RIPOR3: variants seen among roughly 807,000 people sequenced by gnomAD.
RIPOR3 encodes the protein RIPOR family member 3.
A neutral mutation model predicts 114.3 loss-of-function variants in RIPOR3; 95 were observed. The ratio of observed to expected loss-of-function variants is 0.83; its 90% CI spans 0.70 to 0.99. RIPOR3 has a LOEUF of 0.99. RIPOR3 is among the 50% of genes least tolerant of loss of function. The pLI is 0.00. For synonymous variants in RIPOR3, 575 were observed against 543.8 expected (o/e 1.06, Z -0.80); for missense variants, 1,252 against 1,266.9 (o/e 0.99, Z 0.18).
Position 50,603,239 on chromosome 20 carries a change from T to TTTTTG in RIPOR3, c.1087-600_1087-596dup, listed in dbSNP as rs568585212. ...AGCAGAGGCTGGCATATAGTTTCGG[T>TTTTTG]TTTTGTTTTGTTTTGTTTTGAAATA... On this transcript the variant is annotated intron_variant, in intron 12 of 21. Transcript: ENST00000327979. Among the ~76,000 whole-genome samples the TTTTTG allele has an allele frequency of 9.9e-5, 15 of 152,130 alleles. No homozygotes were observed. The South Asian group carries it at 2.5e-3, about 25-fold the overall frequency.
At position 50,609,354 on chromosome 20, in the gene RIPOR3, G is replaced by A. The variant is rs777726973; in HGVS notation, c.579C>T (p.Asp193=). ...LGRSLHECAE[D]MWLIEGALEV... is the part of the protein sequence containing the mutation. ...CCAGGGCCCCCTCGATGAGCCACATGTCCTGCAAAGCCCCGGAGGTGGCTC... is the reference window on the plus strand; with the variant it reads ...CCAGGGCCCCCTCGATGAGCCACATATCCTGCAAAGCCCCGGAGGTGGCTC... Residue 193 remains aspartate, a splice_region_variant and synonymous_variant, in exon 8 of 22, where the codon GAC becomes GAT. Transcript: ENST00000327979. 3.7e-5 allele frequency: 60 copies of A among 1,613,518 alleles called. No homozygotes were observed. The highest frequency in any genetic ancestry group is 4.9e-5 in the Non-Finnish European group (58 of 1,179,722).
intron 1 of RIPOR3, among the ~76,000 whole-genome samples, chr20:50,670,581 C>T (rs1225255702): frequency 6.6e-6 from 1 of 152,164 alleles, no homozygotes; most frequent in Non-Finnish European, 1.5e-5. Flanking sequence ...ACCCACATGG[C>T]AGGTGAGTAA....
chr20:50,611,052 C>T, intron 5 of RIPOR3, 129 bp downstream of exon 5: 4 of 1,549,070 alleles, frequency 2.6e-6, no homozygotes, highest in Non-Finnish European at 3.6e-6. Flanking sequence ...GAGACTCAGC[C>T]TTCCCATTCC....
At chr20:50,607,827 C>A (rs2083778294) in intron 11 of RIPOR3, among the ~76,000 whole-genome samples, 1 of 152,140 alleles carries the variant, frequency 6.6e-6, no homozygotes, top group Admixed American at 6.5e-5. Flanking sequence ...TGTCCTCAGC[C>A]CTCCCTTCTG....
At chr20:50,678,109 C>T (rs941796734) in intron 1 of RIPOR3, among the ~76,000 whole-genome samples, 2 of 152,140 alleles carry the variant, frequency 1.3e-5, no homozygotes, top group East Asian at 3.9e-4. Flanking sequence ...TGGGTTTTGC[C>T]CCCCAAGAAG....
At chr20:50,636,022 T>C (rs923490036) in intron 1 of RIPOR3, among the ~76,000 whole-genome samples, 2 of 152,240 alleles carry the variant, frequency 1.3e-5, no homozygotes, top group Non-Finnish European at 2.9e-5. Flanking sequence ...CCAGCCCCTG[T>C]GGGCCCCCTT....
chr20:50,620,054 C>T lies in RIPOR3; in HGVS notation c.201G>A (p.Gly67=), dbSNP rs2084338807. Residue 67 remains glycine (G), a synonymous_variant, in exon 3 of 22, where the codon GGG becomes GGA. Coordinates refer to ENST00000327979, the MANE Select transcript of RIPOR3 (RefSeq NM_001290268.2). The part of the protein sequence containing the change: ...SSKMYGTLRK[G]SVCADPKPQQ... ...GGGGCTTCGGGTCTGCACAGACCGA[C>T]CCCTTCCGCAGCGTGCCGTACATCT... 2.5e-6 allele frequency: 4 copies of T among 1,614,208 alleles called. No individual in the cohort carries two copies. The South Asian group carries it at 4.4e-5, about 18-fold the overall frequency.
intron 1 of RIPOR3, among the ~76,000 whole-genome samples, chr20:50,657,468 A>G (rs968697923): frequency 5.3e-5 from 8 of 152,182 alleles, no homozygotes; most frequent in Non-Finnish European, 1.2e-4. Flanking sequence ...TGGAGGTTGC[A>G]GTGAGCTGAG....
chr20:50,624,298 C>T (rs1012696743), intron 2 of RIPOR3, among the ~76,000 whole-genome samples: 9 of 152,144 alleles, frequency 5.9e-5, no homozygotes, highest in Admixed American at 2.0e-4. Context: ...GCTGCAGACT[C>T]GGGAAAAGGC....
intron 19 of RIPOR3, among the ~76,000 whole-genome samples, chr20:50,590,297 A>G (rs1313690723): frequency 6.6e-6 from 1 of 152,216 alleles, no homozygotes; most frequent in Admixed American, 6.5e-5. Context: ...CTGAAAACAA[A>G]GCTGGCACTT....
chr20:50,690,011 C>A (rs572556722), intron 1 of RIPOR3, among the ~76,000 whole-genome samples: 12 of 152,204 alleles, frequency 7.9e-5, no homozygotes, highest in African/African-American at 2.9e-4. Context: ...CCTCCCTTTC[C>A]GTGCCAGGGA....
intron 4 of RIPOR3, among the ~76,000 whole-genome samples, chr20:50,613,120 T>A (rs1283773453): frequency 1.3e-5 from 2 of 151,962 alleles, no homozygotes; most frequent in Non-Finnish European, 2.9e-5. Context: ...AAAATCTTTT[T>A]AAAATTAAGA....
chr20:50,642,219 A>G (rs926845381), intron 1 of RIPOR3, among the ~76,000 whole-genome samples: 2 of 151,872 alleles, frequency 1.3e-5, no homozygotes, highest in African/African-American at 4.8e-5. Flanking sequence ...TTCAGTGCCT[A>G]TTCCTTTGTC....
Position 50,609,644 on chromosome 20 carries a change from G to C in RIPOR3, c.505C>G (p.Arg169Gly), listed in dbSNP as rs774601813. ...GASSMQRAFA[R>G]CPPSRAARES... ...CGGGCTGCGCGGCTCGGGGGGCACCGGGCGAAGGCCCGCTGCATGCTGGAG... is the reference window on the plus strand; with the variant it reads ...CGGGCTGCGCGGCTCGGGGGGCACCCGGCGAAGGCCCGCTGCATGCTGGAG... Residue 169 changes from arginine to glycine, a missense_variant, in exon 7 of 22, where the codon CGG (arginine) becomes GGG (glycine). Arg to Gly is a moderately radical substitution (Grantham distance 125). Transcript: ENST00000327979. 7.1e-7 allele frequency: 1 copy of C among 1,398,832 alleles called. No individual in the cohort carries two copies. The highest frequency in any genetic ancestry group is 9.3e-7 in the Non-Finnish European group (1 of 1,079,446). 86.7% of individuals were successfully genotyped at this position (1,398,832 alleles called of 1,614,324 possible).
rs77691017 is a variant in RIPOR3 at position 50,662,198 on chromosome 20, C to T, written c.3+28928G>A. On this transcript the variant is annotated intron_variant, in intron 1 of 21. Coordinates refer to ENST00000327979, the MANE Select transcript of RIPOR3 (RefSeq NM_001290268.2). ...CATCTGCTTTTGTCTTTATCCAGGG[C>T]AGGACCCTCTGAAGGAGGAGCCCTC... 7.8e-3 allele frequency: 1,194 copies of T among 152,390 alleles called. 10 individuals carry two copies. The highest frequency in any genetic ancestry group is 0.012 in the Non-Finnish European group (823 of 68,072). The allele number at this position is 152,390 out of a possible 1,614,324, so 9.4% of individuals were successfully genotyped here.
chr20:50,676,769 CTTT>C (rs1310891448), intron 1 of RIPOR3, among the ~76,000 whole-genome samples: 2 of 132,820 alleles, frequency 1.5e-5, no homozygotes, highest in Non-Finnish European at 1.6e-5. Context: ...CCAGATTCTA[CTTT>C]TTTTTTTTTT....
chr20:50,601,656 A>G (rs745534016), intron 13 of RIPOR3, among the ~76,000 whole-genome samples: 2 of 152,136 alleles, frequency 1.3e-5, no homozygotes, highest in Non-Finnish European at 2.9e-5. Flanking sequence ...GCCCCGGGGT[A>G]TGAGCCCTGT....
intron 1 of RIPOR3, among the ~76,000 whole-genome samples, chr20:50,658,880 G>A (rs2085902878): frequency 6.6e-6 from 1 of 152,120 alleles, no homozygotes; most frequent in Non-Finnish European, 1.5e-5. Context: ...TACTCTCCAA[G>A]GCTACGTTAT....
At chr20:50,631,534 C>T (rs924495687) in intron 1 of RIPOR3, among the ~76,000 whole-genome samples, 3 of 152,194 alleles carry the variant, frequency 2.0e-5, no homozygotes, top group Non-Finnish European at 2.9e-5. Flanking sequence ...GCCGGCAGGG[C>T]TCAGGTCCCA....
Sources: gnomAD v4.1 joint callset for allele counts (sites outside exome capture counted in the v4.1 genomes callset) on GRCh38, gnomAD v4.1.1 for gene constraint, MANE v1.5 for transcripts, NCBI Gene and HGNC (gene_info 2026-07-23, HGNC 2026-07-21) for gene names.